Variants in GALNT18 observed in about 807,000 individuals in gnomAD.
GALNT18 encodes GalNAc-transferase 18.
In GALNT18, 44 loss-of-function variants were observed where a neutral mutation model predicts 69.5. The ratio of observed to expected loss-of-function variants is 0.63; its 90% CI spans 0.50 to 0.81. GALNT18 has a LOEUF of 0.81. Among genes scored for constraint, GALNT18 ranks in the 40% least tolerant of loss-of-function variants. GALNT18 has a pLI of 0.00. For synonymous variants in GALNT18, 364 were observed against 318.2 expected (o/e 1.14, Z -1.53); for missense variants, 715 against 810.0 (o/e 0.88, Z 1.42).
In GALNT18 at chr11:11,614,922, T is replaced by A. The variant is rs958819909; in HGVS notation, c.235+6437A>T. Among the ~76,000 whole-genome samples the A allele has an allele frequency of 6.6e-6, 1 of 152,244 alleles. No individual in the cohort carries two copies. Among genetic ancestry groups the A allele is most frequent in the Non-Finnish European group, 1.5e-5 (1 of 68,046 alleles). On this transcript the variant is annotated intron_variant, in intron 1 of 10. Transcript: ENST00000227756. This position sits in a 1 kb window ranked among gnomAD's most constrained non-coding sequence, Gnocchi z 5.6. ...CTGGCTAAAAATGAAGATTCTTTGG[T>A]CACGGGGAAAAGTTGTGTCCTTTGG... is the stretch of plus-strand genomic sequence containing the variant.
intron 9 of GALNT18, among the ~76,000 whole-genome samples, chr11:11,312,139 G>A (rs1849683089): frequency 6.6e-6 from 1 of 152,110 alleles, no homozygotes; most frequent in South Asian, 2.1e-4. Flanking sequence ...TGTATTTTTA[G>A]TAGAGACGGG....
intron 1 of GALNT18, among the ~76,000 whole-genome samples, chr11:11,576,877 G>A (rs777365516): frequency 3.3e-5 from 5 of 152,232 alleles, no homozygotes; most frequent in Non-Finnish European, 5.9e-5. Context: ...CAGTTTCATG[G>A]TGTGAACGCA....
chr11:11,356,249 T>G lies in GALNT18; in HGVS notation c.1093-15245A>C, dbSNP rs1850527493. Among the ~76,000 whole-genome samples, 1 of 152,178 alleles carries G rather than the reference T, an allele frequency of 6.6e-6. No individual in the cohort carries two copies. Among genetic ancestry groups the G allele is most frequent in the Admixed American group, 6.5e-5 (1 of 15,282 alleles). ...TCAGAGGAGGAGGAGAAGGAACCCT[T>G]GCTCAGTTTGTGGCAGTTCTTCTGA... On this transcript the variant is annotated intron_variant, in intron 6 of 10. Transcript: ENST00000227756. This position sits in a 1 kb window ranked among gnomAD's most constrained non-coding sequence, Gnocchi z 4.4.
chr11:11,552,775 C>T (rs1245219404), intron 1 of GALNT18, among the ~76,000 whole-genome samples: 1 of 152,170 alleles, frequency 6.6e-6, no homozygotes, highest in Non-Finnish European at 1.5e-5. Context: ...CTAAATCCAG[C>T]ATTCTAGCTT....
At chr11:11,478,776 G>T (rs943865016) in intron 1 of GALNT18, among the ~76,000 whole-genome samples, 3 of 152,058 alleles carry the variant, frequency 2.0e-5, no homozygotes, top group Admixed American at 2.0e-4. Context: ...GAGCAGAGCA[G>T]GCTGACTCCT....
intron 3 of GALNT18, among the ~76,000 whole-genome samples, chr11:11,424,202 G>T (rs1855076143): frequency 6.6e-6 from 1 of 152,200 alleles, no homozygotes; most frequent in South Asian, 2.1e-4. Context: ...CGTTGGACCT[G>T]CCATTTTAGT....
Position 11,614,387 on chromosome 11 carries a change from GA to G in GALNT18, c.235+6971del. Among the ~76,000 whole-genome samples the G allele has an allele frequency of 6.6e-6, 1 of 151,656 alleles. No individual in the cohort carries two copies. The highest frequency in any genetic ancestry group is 6.6e-5 in the Admixed American group (1 of 15,220). On this transcript the variant is annotated intron_variant, in intron 1 of 10. Transcript: ENST00000227756. This position sits in a 1 kb window ranked among gnomAD's most constrained non-coding sequence, Gnocchi z 5.6. ...AGAGGAGGAGGAGGAGGAGGAGGAG[GA>G]GGAGGAGGGAGGAGGAGCAGCAAGG... is the stretch of plus-strand genomic sequence containing the variant.
chr11:11,317,055 C>G (rs948556919), intron 9 of GALNT18, among the ~76,000 whole-genome samples: 6 of 152,234 alleles, frequency 3.9e-5, no homozygotes, highest in African/African-American at 1.4e-4. Flanking sequence ...GGCTGTTACA[C>G]TAATCAGGGC....
At chr11:11,477,064 C>T (rs893427975) in intron 1 of GALNT18, among the ~76,000 whole-genome samples, 2 of 152,204 alleles carry the variant, frequency 1.3e-5, no homozygotes, top group Admixed American at 1.3e-4. Flanking sequence ...GTGGAACCAC[C>T]TACAGAATAG....
chr11:11,553,795 G>A (rs182303566), intron 1 of GALNT18, among the ~76,000 whole-genome samples: 9 of 152,118 alleles, frequency 5.9e-5, no homozygotes, highest in Non-Finnish European at 7.4e-5. Flanking sequence ...GAGCCAAGTC[G>A]CCCGCAGCTG....
chr11:11,427,911 C>A (rs763623823), intron 3 of GALNT18, among the ~76,000 whole-genome samples: 4 of 152,162 alleles, frequency 2.6e-5, no homozygotes, highest in Non-Finnish European at 5.9e-5. Flanking sequence ...ATGTCCCCAT[C>A]GTGGCACATG....
rs567185470 is a variant in GALNT18, at chr11:11,617,151, A to T, written c.235+4208T>A. ...ATCCCAAAGACAGAACTTTGGCCTG[A>T]TATCAAAAGTCTAGCAAATGAATGT... On this transcript the variant is annotated intron_variant, in intron 1 of 10. Transcript: ENST00000227756. This position sits in a 1 kb window ranked among gnomAD's most constrained non-coding sequence, Gnocchi z 4.7. Among the ~76,000 whole-genome samples the T allele has an allele frequency of 6.6e-6, 1 of 152,374 alleles. No homozygotes were observed. The highest frequency in any genetic ancestry group is 6.5e-5 in the Admixed American group (1 of 15,306).
rs1357862732 is a variant in GALNT18 at position 11,592,392 on chromosome 11, GATA to G, written c.235+28964_235+28966del. 6.6e-6 allele frequency among the ~76,000 whole-genome samples: 1 copy of G among 152,146 alleles called. No individual in the cohort carries two copies. The highest frequency in any genetic ancestry group is 1.5e-5 in the Non-Finnish European group (1 of 68,036). ...GCAAGGAAGTGGACTGAGTTTTCTA[GATA>G]ATGTTTGAGCAATTCATCCTTCCCG... is the stretch of plus-strand genomic sequence containing the variant. On this transcript the variant is annotated intron_variant, in intron 1 of 10. Transcript: ENST00000227756. The surrounding 1 kb of genome is among the most constrained non-coding windows in gnomAD (Gnocchi z 5.9).
rs1276327546 is a variant in GALNT18, at chr11:11,382,987, A to G, written c.596-3723T>C. On this transcript the variant is annotated intron_variant, in intron 3 of 10. Coordinates refer to ENST00000227756, the MANE Select transcript of GALNT18 (RefSeq NM_198516.3). The surrounding 1 kb of genome is among the most constrained non-coding windows in gnomAD (Gnocchi z 4.3). ...CAGAGAAATACAATTTGCACCCTGC[A>G]TGGGGCCAGGTGTCATCCTGCTTAT... Among the ~76,000 whole-genome samples, 1 of 152,182 alleles carries G rather than the reference A, an allele frequency of 6.6e-6. No homozygotes were observed. Among genetic ancestry groups the G allele is most frequent in the Admixed American group, 6.5e-5 (1 of 15,278 alleles).
chr11:11,282,521 G>A (rs1214102041), intron 10 of GALNT18, among the ~76,000 whole-genome samples: 2 of 152,206 alleles, frequency 1.3e-5, no homozygotes, highest in African/African-American at 2.4e-5. Context: ...CAGTAAATGA[G>A]CAGTAAGTAG....
chr11:11,377,670 G>GA lies in GALNT18; in HGVS notation c.780-292dup, dbSNP rs10700486. On this transcript the variant is annotated intron_variant, in intron 4 of 10. Coordinates refer to ENST00000227756, the MANE Select transcript of GALNT18 (RefSeq NM_198516.3). This position sits in a 1 kb window ranked among gnomAD's most constrained non-coding sequence, Gnocchi z 4.6. ...CTGCTCGCTTTCCCTTTCTCCATTAGAAAAAAAAAAAATCAAGACTCAAAA... is the reference window on the plus strand; with the variant it reads ...CTGCTCGCTTTCCCTTTCTCCATTAGAAAAAAAAAAAAATCAAGACTCAAAA... Among the ~76,000 whole-genome samples the GA allele has an allele frequency of 0.65, 95,623 of 146,376 alleles. 31,778 individuals are homozygous for GA. The highest frequency in any genetic ancestry group is 0.88 in the Middle Eastern group (253 of 288).
At position 11,421,732 on chromosome 11, in the gene GALNT18, C is replaced by G. The variant is rs1403061636; in HGVS notation, c.595+10889G>C. Among the ~76,000 whole-genome samples, 1 of 151,494 alleles carries G rather than the reference C, an allele frequency of 6.6e-6. No homozygotes were observed. The highest frequency in any genetic ancestry group is 2.4e-5 in the African/African-American group (1 of 40,868). On this transcript the variant is annotated intron_variant, in intron 3 of 10. Coordinates refer to ENST00000227756, the MANE Select transcript of GALNT18 (RefSeq NM_198516.3). The surrounding 1 kb of genome is among the most constrained non-coding windows in gnomAD (Gnocchi z 5.6). ...CACCCACTGGGAAGAAACAATACTT[C>G]TCTGCAGAGTCTCTGCAGAGTCTCT...
chr11:11,439,109 G>A lies in GALNT18; in HGVS notation c.429-6322C>T, dbSNP rs1319285945. ...AAAGAATGACCAGTGGCCCTGTCCAGCCACTGGACAATGGAGGGGTTGAAT... is the reference window on the plus strand; with the variant it reads ...AAAGAATGACCAGTGGCCCTGTCCAACCACTGGACAATGGAGGGGTTGAAT... On this transcript the variant is annotated intron_variant, in intron 2 of 10. Transcript: ENST00000227756. This position sits in a 1 kb window ranked among gnomAD's most constrained non-coding sequence, Gnocchi z 4.4. Among the ~76,000 whole-genome samples, 2 of 152,226 alleles carry A rather than the reference G, an allele frequency of 1.3e-5. No individual in the cohort carries two copies. Among genetic ancestry groups the A allele is most frequent in the Admixed American group, 1.3e-4 (2 of 15,286 alleles).
At chr11:11,520,465 T>A (rs140899188) in intron 1 of GALNT18, among the ~76,000 whole-genome samples, 131 of 152,264 alleles carry the variant, frequency 8.6e-4, no homozygotes, top group African/African-American at 2.9e-3. Context: ...TGCCCCAGCA[T>A]GTCAGACATC....
Sources: allele counts gnomAD v4.1 joint callset (sites outside exome capture counted in the v4.1 genomes callset), GRCh38; gene constraint gnomAD v4.1.1; non-coding constraint Gnocchi (gnomAD v3.1); transcripts MANE v1.5; gene names NCBI Gene and HGNC (gene_info 2026-07-23, HGNC 2026-07-21).